Variants in CIMIP5 observed in about 807,000 individuals in gnomAD.
CIMIP5 encodes ciliary microtubule inner protein 5.
At chr2:11,141,121 C>CTTTT in the CIMIP5 span, among the ~76,000 whole-genome samples, 12 of 60,434 alleles carry the variant, frequency 2.0e-4, no homozygotes, top group East Asian at 7.1e-4. Context: ...CCACAACACA[C>CTTTT]TTTTTTTTTT....
chr2:11,137,812 C>T, the CIMIP5 span, among the ~76,000 whole-genome samples: 1 of 152,186 alleles, frequency 6.6e-6, no homozygotes, highest in African/African-American at 2.4e-5. Flanking sequence ...TATGGGGCTT[C>T]TGAGGAGGTG....
the CIMIP5 span, among the ~76,000 whole-genome samples, chr2:11,142,323 T>C: frequency 6.7e-6 from 1 of 149,412 alleles, no homozygotes; most frequent in Admixed American, 6.7e-5. Context: ...ATGAGCAATA[T>C]GGAAAGTCAC....
the CIMIP5 span, among the ~76,000 whole-genome samples, chr2:11,133,985 G>A: frequency 6.6e-6 from 1 of 152,148 alleles, no homozygotes; most frequent in African/African-American, 2.4e-5. Flanking sequence ...TCTGAAACGA[G>A]ACCAGACTGC....
chr2:11,137,004 A>T, the CIMIP5 span, among the ~76,000 whole-genome samples: 3 of 152,230 alleles, frequency 2.0e-5, no homozygotes, highest in African/African-American at 7.2e-5. Context: ...AGGAATGTGC[A>T]AGGCAGTGCT....
the CIMIP5 span, chr2:11,140,374 TAAA>T: frequency 0.075 from 20,708 of 277,026 alleles, 3 homozygotes; most frequent in East Asian, 0.15. Context: ...GCCTCCGTCT[TAAA>T]AAAAAAAAAA....
the CIMIP5 span, among the ~76,000 whole-genome samples, chr2:11,135,573 G>A: frequency 3.3e-5 from 5 of 152,120 alleles, no homozygotes; most frequent in East Asian, 9.7e-4. Flanking sequence ...TGGGATTACA[G>A]GTGCCCTCCA....
At chr2:11,142,868 G>A in the CIMIP5 span, among the ~76,000 whole-genome samples, 9 of 151,540 alleles carry the variant, frequency 5.9e-5, no homozygotes, top group Non-Finnish European at 1.0e-4. Context: ...TTACATGCAC[G>A]TGCCCCCACA....
the CIMIP5 span, among the ~76,000 whole-genome samples, chr2:11,151,410 G>A: frequency 6.6e-6 from 1 of 152,304 alleles, no homozygotes; most frequent in African/African-American, 2.4e-5. Context: ...GTGAGGGTGG[G>A]GGAGGCATGG....
chr2:11,133,637 T>G, the CIMIP5 span: 8 of 1,549,188 alleles, frequency 5.2e-6, no homozygotes, highest in East Asian at 2.3e-5. Context: ...GCAGCCTGAC[T>G]GCAAGTTGGG....
At chr2:11,139,363 T>C in the CIMIP5 span, among the ~76,000 whole-genome samples, 1 of 152,228 alleles carries the variant, frequency 6.6e-6, no homozygotes, top group Admixed American at 6.5e-5. Flanking sequence ...GGTTTGACTC[T>C]AGGATGTGGG....
chr2:11,152,026 G>T, the CIMIP5 span, among the ~76,000 whole-genome samples: 1 of 152,244 alleles, frequency 6.6e-6, no homozygotes, highest in African/African-American at 2.4e-5. Flanking sequence ...ATCACACGGG[G>T]GTCGAAGTGA....
the CIMIP5 span, among the ~76,000 whole-genome samples, chr2:11,152,727 C>T: frequency 6.6e-6 from 1 of 152,072 alleles, no homozygotes. Context: ...TCCCCAACCT[C>T]CTGAAGGGAC....
chr2:11,154,126 G>A, the CIMIP5 span, among the ~76,000 whole-genome samples: 10 of 152,068 alleles, frequency 6.6e-5, no homozygotes, highest in African/African-American at 1.9e-4. Flanking sequence ...ACAGGCACGC[G>A]CCACCACGCT....
At chr2:11,141,321 G>C in the CIMIP5 span, among the ~76,000 whole-genome samples, 3 of 151,900 alleles carry the variant, frequency 2.0e-5, no homozygotes, top group East Asian at 5.8e-4. Flanking sequence ...TAGAGAGGGG[G>C]TTTCACTATG....
the CIMIP5 span, among the ~76,000 whole-genome samples, chr2:11,153,362 C>T: frequency 6.6e-6 from 1 of 152,314 alleles, no homozygotes; most frequent in South Asian, 2.1e-4. Context: ...ATGCTGCCTG[C>T]ATCCCCAAGT....
At chr2:11,133,939 C>G in the CIMIP5 span, among the ~76,000 whole-genome samples, 8 of 152,130 alleles carry the variant, frequency 5.3e-5, no homozygotes, top group African/African-American at 1.2e-4. Flanking sequence ...GATGCTCCTT[C>G]ATGCATTCAT....
chr2:11,137,991 G>A, the CIMIP5 span, among the ~76,000 whole-genome samples: 1 of 152,194 alleles, frequency 6.6e-6, no homozygotes, highest in African/African-American at 2.4e-5. Context: ...GACTACAGGT[G>A]CCCGCTACCA....
the CIMIP5 span, among the ~76,000 whole-genome samples, chr2:11,154,123 C>T: frequency 6.6e-6 from 1 of 151,930 alleles, no homozygotes; most frequent in Non-Finnish European, 1.5e-5. Context: ...ACCACAGGCA[C>T]GCGCCACCAC....
the CIMIP5 span, chr2:11,133,721 G>T: frequency 2.2e-6 from 3 of 1,385,272 alleles, no homozygotes; most frequent in African/African-American, 4.4e-5. Context: ...ATGCCCGGGG[G>T]AAGGTGGGTC....
Sources: allele counts gnomAD v4.1 joint callset (sites outside exome capture counted in the v4.1 genomes callset), GRCh38; gene constraint gnomAD v4.1.1; transcripts MANE v1.5; gene names NCBI Gene and HGNC (gene_info 2026-07-23, HGNC 2026-07-21).